Variants in TMEM8B observed in about 807,000 individuals in gnomAD.
TMEM8B encodes the protein transmembrane protein 8B.
In TMEM8B, 29 loss-of-function variants were observed where a neutral mutation model predicts 49.3. That is an observed-to-expected ratio of 0.59 (90% CI 0.44 to 0.80). TMEM8B has a LOEUF of 0.80. TMEM8B is among the 30% of genes least tolerant of loss of function. The pLI, the probability that TMEM8B is intolerant of heterozygous loss-of-function variation, is 0.00. For missense variants in TMEM8B, 575 were observed against 658.5 expected (o/e 0.87, Z 1.39); for synonymous variants, 264 against 272.8 (o/e 0.97, Z 0.32).
Position 35,841,251 on chromosome 9 carries a change from C to T in TMEM8B, c.1024C>T (p.Arg342Cys), listed in dbSNP as rs755803124. 9.6e-6 allele frequency: 4 copies of T among 415,936 alleles called. No homozygotes were observed. The highest frequency in any genetic ancestry group is 3.6e-5 in the East Asian group (1 of 28,074). 25.8% of individuals were successfully genotyped at this position (415,936 alleles called of 1,614,324 possible). The change falls in exon 4 of 13, where the codon CGC (arginine) becomes TGC (cysteine). Residue 342 changes from arginine (R) to cysteine (C), a missense_variant. Transcript: ENST00000643932. This position sits in a 1 kb window ranked among gnomAD's most constrained non-coding sequence, Gnocchi z 5.9. ...PSEQTLSPHN[R>C]SALYKVFVPS... is the part of the protein sequence containing the mutation. The stretch of plus-strand genomic sequence containing the variant: ...AGAGCAAACCCTCTCCCCACACAAT[C>T]GCTCAGCCCTGTACAAGTAAGTCAA...
chr9:35,849,641 C>T (rs546487958), intron 10 of TMEM8B, among the ~76,000 whole-genome samples: 24 of 152,302 alleles, frequency 1.6e-4, no homozygotes, highest in Admixed American at 7.8e-4. Context: ...GATATTGCTC[C>T]CTTTGCACCA....
At chr9:35,834,811 G>A (rs1365778330) in intron 2 of TMEM8B, among the ~76,000 whole-genome samples, 161 bp downstream of exon 2, 2 of 152,076 alleles carry the variant, frequency 1.3e-5, no homozygotes, top group Non-Finnish European at 1.5e-5. Flanking sequence ...ACCACTTCCG[G>A]ACTACTGTAT....
In TMEM8B at chr9:35,842,412, C is replaced by T. The variant is rs762818753; in HGVS notation, c.1330C>T (p.Leu444Phe). 1 of 1,538,220 alleles carries T rather than the reference C, an allele frequency of 6.5e-7. No homozygotes were observed. The highest frequency in any genetic ancestry group is 8.8e-7 in the Non-Finnish European group (1 of 1,140,638). Reference sequence around the variant, plus strand: ...CACAGAGTGCCCACAGCCCGGCCTGCTCCGAGCCCTGGTCCCTGGAGCTGC... The same window carrying T: ...CACAGAGTGCCCACAGCCCGGCCTGTTCCGAGCCCTGGTCCCTGGAGCTGC... The part of the protein sequence containing the change: ...RLQECPQPGL[L>F]RALVPGAAMN... The change falls in exon 6 of 13, where the codon CTC becomes TTC. Residue 444 changes from leucine to phenylalanine, a missense_variant. Coordinates refer to ENST00000643932, the MANE Select transcript of TMEM8B (RefSeq NM_001042590.4). This position sits in a 1 kb window ranked among gnomAD's most constrained non-coding sequence, Gnocchi z 5.6.
rs10972600 is a variant in TMEM8B at position 35,857,615 on chromosome 9, T to A, written c.*3775T>A. The A allele has an allele frequency of 0.2, 31,026 of 152,168 alleles. 3,404 individuals are homozygous for A. Among genetic ancestry groups the A allele is most frequent in the East Asian group, 0.36 (1,853 of 5,170 alleles). 9.4% of individuals were successfully genotyped at this position (152,168 alleles called of 1,614,324 possible). A position where few individuals can be genotyped will look rare whatever the true frequency, so the allele number is the denominator to read the frequency against. On this transcript the variant is annotated 3_prime_UTR_variant, in exon 13 of 13. Transcript: ENST00000643932. ...AGGATTCAACTGAAGAATTTGGACT[T>A]AATGGTAATGGGAGCTGTCAAAAGT...
intron 6 of TMEM8B, among the ~76,000 whole-genome samples, chr9:35,843,543 T>G (rs1480376979): frequency 6.6e-6 from 1 of 152,188 alleles, no homozygotes; most frequent in Non-Finnish European, 1.5e-5. Context: ...TAACAAGACT[T>G]GCATTTGTGC....
chr9:35,845,380 G>A, intron 6 of TMEM8B: 7 of 985,104 alleles, frequency 7.1e-6, no homozygotes, highest in Non-Finnish European at 8.4e-6. Flanking sequence ...CTTGAATGAG[G>A]TGAGCTTATG....
chr9:35,846,149 G>A, intron 7 of TMEM8B, 81 bp downstream of exon 7: 1 of 1,607,678 alleles, frequency 6.2e-7, no homozygotes. Context: ...GGGGAGGGAT[G>A]GAATGGAGGA....
In TMEM8B at chr9:35,841,284, C is replaced by T. The variant is rs566695198; in HGVS notation, c.1040+17C>T. 2 of 416,310 alleles carry T rather than the reference C, an allele frequency of 4.8e-6. No homozygotes were observed. The highest frequency in any genetic ancestry group is 3.6e-5 in the East Asian group (1 of 28,088). The allele number at this position is 416,310 out of a possible 1,614,324, so 25.8% of individuals were successfully genotyped here. ...CCTGTACAAGTAAGTCAAAGACTCCCCACACCTGGTCCTTTCCCTCTTCTG... is the reference window on the plus strand; with the variant it reads ...CCTGTACAAGTAAGTCAAAGACTCCTCACACCTGGTCCTTTCCCTCTTCTG... On this transcript the variant is annotated intron_variant, in intron 4 of 12. Transcript: ENST00000643932. This position sits in a 1 kb window ranked among gnomAD's most constrained non-coding sequence, Gnocchi z 5.9.
At position 35,860,365 on chromosome 9, in the gene TMEM8B, C is replaced by T. The variant is rs1345113054; in HGVS notation, c.*6525C>T. On this transcript the variant is annotated 3_prime_UTR_variant, in exon 13 of 13. Coordinates refer to ENST00000643932, the MANE Select transcript of TMEM8B (RefSeq NM_001042590.4). Reference sequence around the variant, plus strand: ...ACGGTTTCATGTGACCAAATTATGGCCATAGTATTTCAGATTTATTCATCC... The same window carrying T: ...ACGGTTTCATGTGACCAAATTATGGTCATAGTATTTCAGATTTATTCATCC... The T allele has an allele frequency of 6.6e-6, 1 of 152,194 alleles. No homozygotes were observed. The highest frequency in any genetic ancestry group is 1.5e-5 in the Non-Finnish European group (1 of 68,044). The allele number at this position is 152,194 out of a possible 1,614,324, so 9.4% of individuals were successfully genotyped here.
rs1832628826 is a variant in TMEM8B at position 35,860,362 on chromosome 9, T to C, written c.*6522T>C. 1 of 152,260 alleles carries C rather than the reference T, an allele frequency of 6.6e-6. No homozygotes were observed. Among genetic ancestry groups the C allele is most frequent in the Non-Finnish European group, 1.5e-5 (1 of 68,038 alleles). The allele number at this position is 152,260 out of a possible 1,614,324, so 9.4% of individuals were successfully genotyped here. On this transcript the variant is annotated 3_prime_UTR_variant, in exon 13 of 13. Coordinates refer to ENST00000643932, the MANE Select transcript of TMEM8B (RefSeq NM_001042590.4). ...ATTACGGTTTCATGTGACCAAATTA[T>C]GGCCATAGTATTTCAGATTTATTCA...
Position 35,844,810 on chromosome 9 carries a change from T to C in TMEM8B, c.1636-1165T>C, listed in dbSNP as rs572807663. 7.9e-5 allele frequency among the ~76,000 whole-genome samples: 12 copies of C among 152,378 alleles called. No homozygotes were observed. In the South Asian group the frequency reaches 2.3e-3, roughly 29 times the overall value. On this transcript the variant is annotated intron_variant, in intron 6 of 12. Transcript: ENST00000643932. ...TCTCTGCATTCCCATCCATTCACTT[T>C]AATGAGCATCTGTTTACATTCCATC... is the stretch of plus-strand genomic sequence containing the variant.
rs202034288 is a variant in TMEM8B at position 35,853,777 on chromosome 9, G to A, written c.2712G>A (p.Glu904=). Residue 904 remains glutamate, a synonymous_variant, in exon 13 of 13, where the codon GAG becomes GAA. Transcript: ENST00000643932. The surrounding 1 kb of genome is among the most constrained non-coding windows in gnomAD (Gnocchi z 4.2). The part of the protein sequence containing the change: ...RGCGYQLCIN[E]QEELGLVGPG... ...GTGGTTACCAGCTATGCATCAACGA[G>A]CAGGAGGAGCTGGGCCTCGTGGGCC... 2.5e-6 allele frequency: 4 copies of A among 1,596,308 alleles called. No homozygotes were observed. Among genetic ancestry groups the A allele is most frequent in the East Asian group, 4.5e-5 (2 of 44,736 alleles).
At chr9:35,846,717 G>A (rs1265952747) in intron 9 of TMEM8B, 100 bp from the exon 10 acceptor site, 2 of 1,541,246 alleles carry the variant, frequency 1.3e-6, no homozygotes, top group Non-Finnish European at 1.7e-6. Flanking sequence ...AATTGGGGAC[G>A]GGTTTGGCAG....
chr9:35,838,181 A>G (rs1279572528), intron 3 of TMEM8B, among the ~76,000 whole-genome samples: 1 of 152,160 alleles, frequency 6.6e-6, no homozygotes, highest in Non-Finnish European at 1.5e-5. Context: ...TGAATAGGCA[A>G]TCCATGCACC....
Position 35,842,302 on chromosome 9 carries a change from G to A in TMEM8B, c.1310-90G>A. The A allele has an allele frequency of 5.8e-6, 6 of 1,029,960 alleles. No individual in the cohort carries two copies. Among genetic ancestry groups the A allele is most frequent in the Non-Finnish European group, 8.1e-6 (6 of 736,934 alleles). The allele number at this position is 1,029,960 out of a possible 1,614,324, so 63.8% of individuals were successfully genotyped here. A position where few individuals can be genotyped will look rare whatever the true frequency, so the allele number is the denominator to read the frequency against. On this transcript the variant is annotated intron_variant, in intron 5 of 12. Coordinates refer to ENST00000643932, the MANE Select transcript of TMEM8B (RefSeq NM_001042590.4). This position sits in a 1 kb window ranked among gnomAD's most constrained non-coding sequence, Gnocchi z 5.6. ...TAGTTCTCATCCTTCCCCACTCTTT[G>A]CGAAATCCTGTCTAGCTCAGATGTG...
chr9:35,849,032 C>T (rs561685113), intron 10 of TMEM8B, among the ~76,000 whole-genome samples: 5 of 152,000 alleles, frequency 3.3e-5, no homozygotes, highest in Non-Finnish European at 7.4e-5. Context: ...TGAGTTGTTG[C>T]CTAAAGTCCT....
chr9:35,856,696 G>A lies in TMEM8B; in HGVS notation c.*2856G>A, dbSNP rs1832556840. On this transcript the variant is annotated 3_prime_UTR_variant, in exon 13 of 13. Coordinates refer to ENST00000643932, the MANE Select transcript of TMEM8B (RefSeq NM_001042590.4). ...GAGGGGACCAATTTAAGAGCTGTTA[G>A]GAGTGAACTCTTTAGGACTTGGTGA... 1 of 152,304 alleles carries A rather than the reference G, an allele frequency of 6.6e-6. No individual in the cohort carries two copies. The highest frequency in any genetic ancestry group is 1.5e-5 in the Non-Finnish European group (1 of 68,070). The allele number at this position is 152,304 out of a possible 1,614,324, so 9.4% of individuals were successfully genotyped here. A position where few individuals can be genotyped will look rare whatever the true frequency, so the allele number is the denominator to read the frequency against.
Position 35,853,662 on chromosome 9 carries a change from A to G in TMEM8B, c.2597A>G (p.His866Arg). 3 of 1,614,206 alleles carry G rather than the reference A, an allele frequency of 1.9e-6. No individual in the cohort carries two copies. The highest frequency in any genetic ancestry group is 1.3e-5 in the African/African-American group (1 of 75,056). Residue 866 changes from histidine to arginine, a missense_variant, in exon 13 of 13, where the codon CAT (histidine) becomes CGT (arginine). Coordinates refer to ENST00000643932, the MANE Select transcript of TMEM8B (RefSeq NM_001042590.4). The surrounding 1 kb of genome is among the most constrained non-coding windows in gnomAD (Gnocchi z 4.2). The part of the protein sequence containing the change: ...DNYFYIHSIW[H>R]MLIAGSVGFL... ...TACTTCTACATTCACAGCATTTGGCATATGCTCATTGCGGGCAGTGTGGGC... is the reference window on the plus strand; with the variant it reads ...TACTTCTACATTCACAGCATTTGGCGTATGCTCATTGCGGGCAGTGTGGGC...
chr9:35,840,439 CTA>C (rs1564025322), intron 3 of TMEM8B, among the ~76,000 whole-genome samples: 2 of 152,282 alleles, frequency 1.3e-5, no homozygotes, highest in South Asian at 2.1e-4. Flanking sequence ...GGTATGCACT[CTA>C]TGTGAGGCCC....
Sources: allele counts gnomAD v4.1 joint callset (sites outside exome capture counted in the v4.1 genomes callset), GRCh38; gene constraint gnomAD v4.1.1; non-coding constraint Gnocchi (gnomAD v3.1); transcripts MANE v1.5; gene names NCBI Gene and HGNC (gene_info 2026-07-23, HGNC 2026-07-21).